POF1B: variants seen among roughly 807,000 people sequenced by gnomAD.
POF1B encodes the protein protein POF1B.
In POF1B, 53 loss-of-function variants were observed where a neutral mutation model predicts 55.3. That is an observed-to-expected ratio of 0.96 (90% CI 0.77 to 1.20). POF1B has a LOEUF of 1.20. Among genes scored for constraint, POF1B ranks in the 50% most tolerant of loss-of-function variants. POF1B has a pLI of 0.00. For synonymous variants in POF1B, 188 were observed against 148.3 expected (o/e 1.27, Z -1.95); for missense variants, 478 against 420.5 (o/e 1.14, Z -1.20).
intron 15 of POF1B, among the ~76,000 whole-genome samples, chrX:85,289,820 C>T (rs1021279210): frequency 2.7e-5 from 3 of 110,983 alleles, no homozygotes; most frequent in African/African-American, 9.8e-5. Context: ...GAACAGGGAT[C>T]GGTATCCAGA....
intron 15 of POF1B, among the ~76,000 whole-genome samples, chrX:85,298,027 C>T (rs1932346540): frequency 8.9e-6 from 1 of 112,462 alleles, no homozygotes; most frequent in African/African-American, 3.2e-5. Flanking sequence ...GCTTTGTCCT[C>T]TACCTCCTTG....
At chrX:85,308,056 C>A in intron 10 of POF1B, 68 bp downstream of exon 10, 1 of 623,717 alleles carries the variant, frequency 1.6e-6, no homozygotes, top group Non-Finnish European at 2.5e-6. Flanking sequence ...ATATACTGGA[C>A]ATCTTTATTT....
rs747971676 is a variant in POF1B at position 85,315,681 on chromosome X, C to T, written c.882+26G>A. The T allele has an allele frequency of 8.9e-6, 10 of 1,122,955 alleles. No individual in the cohort carries two copies. The South Asian group carries it at 2.0e-4, about 23-fold the overall frequency. 92.5% of individuals were successfully genotyped at this position (1,122,955 alleles called of 1,213,427 possible). A position where few individuals can be genotyped will look rare whatever the true frequency, so the allele number is the denominator to read the frequency against. ...ATCTACTTTGTTATTATACTATATT[C>T]GATTTTCAACTATCTTTGCACTTAC... On this transcript the variant is annotated intron_variant, in intron 8 of 16. Coordinates refer to ENST00000262753, the MANE Select transcript of POF1B (RefSeq NM_024921.4).
chrX:85,316,691 A>C (rs182154611), intron 7 of POF1B, among the ~76,000 whole-genome samples: 108 of 111,712 alleles, frequency 9.7e-4, no homozygotes, highest in African/African-American at 3.4e-3. Flanking sequence ...TTTATCATGA[A>C]AACATTCCAA....
chrX:85,342,170 T>C, intron 6 of POF1B, among the ~76,000 whole-genome samples: 1 of 111,799 alleles, frequency 8.9e-6, no homozygotes, highest in Non-Finnish European at 1.9e-5. Flanking sequence ...ATGTAACTTG[T>C]AATATTTTGA....
intron 5 of POF1B, among the ~76,000 whole-genome samples, chrX:85,346,369 AT>A (rs1933272375): frequency 9.1e-6 from 1 of 110,045 alleles, no homozygotes; most frequent in South Asian, 3.8e-4. Context: ...TACTTTGATG[AT>A]TCAGTAGGCA....
intron 9 of POF1B, among the ~76,000 whole-genome samples, 190 bp downstream of exon 9, chrX:85,314,242 A>C (rs938679168): frequency 2.7e-5 from 3 of 111,194 alleles, no homozygotes; most frequent in Admixed American, 1.9e-4. Flanking sequence ...GTTTTCCCAA[A>C]TGCTAGTGAT....
intron 6 of POF1B, among the ~76,000 whole-genome samples, chrX:85,334,040 T>C (rs897577038): frequency 9.0e-6 from 1 of 111,019 alleles, no homozygotes; most frequent in African/African-American, 3.3e-5. Flanking sequence ...TTCCTAACCA[T>C]AAACTGTGTT....
chrX:85,306,522 A>G (rs12012683), intron 11 of POF1B, among the ~76,000 whole-genome samples, 189 bp from the exon 12 acceptor site: 24,105 of 110,530 alleles, frequency 0.22, 2,512 homozygotes, highest in African/African-American at 0.41. Flanking sequence ...AGTCTCACTC[A>G]TCTATTTTGT....
At chrX:85,369,072 G>C (rs1193951387) in intron 2 of POF1B, among the ~76,000 whole-genome samples, 2 of 111,647 alleles carry the variant, frequency 1.8e-5, no homozygotes, top group Non-Finnish European at 3.8e-5. Context: ...ATTCTTTCTT[G>C]TTGTTGCTGT....
At chrX:85,350,771 T>A (rs1464770089) in intron 5 of POF1B, among the ~76,000 whole-genome samples, 2 of 111,010 alleles carry the variant, frequency 1.8e-5, no homozygotes, top group African/African-American at 6.5e-5. Flanking sequence ...GAAATGCAAA[T>A]CAAAACCACA....
At chrX:85,368,201 T>A (rs1278062379) in intron 2 of POF1B, among the ~76,000 whole-genome samples, 1 of 111,731 alleles carries the variant, frequency 9.0e-6, no homozygotes, top group Non-Finnish European at 1.9e-5. Context: ...TTTTGCATAG[T>A]GGTGAAGTCT....
At chrX:85,352,437 C>T (rs1035764355) in intron 4 of POF1B, among the ~76,000 whole-genome samples, 3 of 110,896 alleles carry the variant, frequency 2.7e-5, no homozygotes, top group African/African-American at 9.8e-5. Flanking sequence ...TTATAAATAC[C>T]CATAGAGCAG....
chrX:85,312,661 CT>C (rs771195416), intron 9 of POF1B, among the ~76,000 whole-genome samples: 2 of 110,980 alleles, frequency 1.8e-5, no homozygotes, highest in Admixed American at 9.6e-5. Context: ...TATATGGGCT[CT>C]TTTTTTGGTT....
chrX:85,295,035 A>G (rs767856794), intron 15 of POF1B, among the ~76,000 whole-genome samples: 1 of 111,019 alleles, frequency 9.0e-6, no homozygotes, highest in East Asian at 2.9e-4. Flanking sequence ...TAGTCTGAGG[A>G]CCTTTTGTAT....
intron 4 of POF1B, among the ~76,000 whole-genome samples, chrX:85,355,773 C>T (rs1933482578): frequency 8.9e-6 from 1 of 111,740 alleles, no homozygotes; most frequent in Non-Finnish European, 1.9e-5. Flanking sequence ...CATCTCATGC[C>T]AGTTAGAATG....
chrX:85,307,102 A>G, intron 11 of POF1B, 61 bp downstream of exon 11: 1 of 852,888 alleles, frequency 1.2e-6, no homozygotes, highest in Non-Finnish European at 1.7e-6. Flanking sequence ...CCAATGTGCC[A>G]GTAATTGTGC....
chrX:85,363,725 G>T (rs144383851), intron 3 of POF1B, among the ~76,000 whole-genome samples: 2 of 111,530 alleles, frequency 1.8e-5, no homozygotes, highest in Non-Finnish European at 3.8e-5. Flanking sequence ...ATATTATGCT[G>T]TTTTGGAGAG....
chrX:85,293,603 A>T (rs886589145), intron 15 of POF1B, among the ~76,000 whole-genome samples: 1 of 112,029 alleles, frequency 8.9e-6, no homozygotes, highest in African/African-American at 3.2e-5. Flanking sequence ...AATAATCTGT[A>T]CAACAAACCT....
Sources: allele counts gnomAD v4.1 joint callset (sites outside exome capture counted in the v4.1 genomes callset), GRCh38; gene constraint gnomAD v4.1.1; transcripts MANE v1.5; gene names NCBI Gene and HGNC (gene_info 2026-07-23, HGNC 2026-07-21).